DPP6: variants seen among roughly 807,000 people sequenced by gnomAD.
The protein encoded by DPP6 is dipeptidyl peptidase like 6, also known as A-type potassium channel modulatory protein DPP6.
Under a neutral mutation model 122.6 loss-of-function variants are expected in DPP6, and 69 were observed. The observed-to-expected ratio is 0.56, with a 90% CI of 0.46 to 0.69. The LOEUF (loss-of-function observed/expected upper bound fraction) is 0.69. DPP6 is among the 30% of genes least tolerant of loss of function. The pLI is 0.00. For missense variants in DPP6, 928 were observed against 1,116.9 expected, an observed-to-expected ratio of 0.83 and a Z score of 2.41; for synonymous variants, 418 against 433.1, an observed-to-expected ratio of 0.97 and a Z score of 0.43.
rs1795556073 is a variant in DPP6 at position 153,964,785 on chromosome 7, TCCTTTCCTTTC to T, written c.51+77053_51+77063del. Among the ~76,000 whole-genome samples, 24 of 71,900 alleles carry T rather than the reference TCCTTTCCTTTC, an allele frequency of 3.3e-4. 2 individuals are homozygous for T. Among genetic ancestry groups the T allele is most frequent in the African/African-American group, 1.1e-3 (20 of 18,586 alleles). 47.2% of individuals were successfully genotyped at this position (71,900 alleles called of 152,430 possible). On this transcript the variant is annotated intron_variant, in intron 1 of 25. Coordinates refer to the DPP6 transcript ENST00000404039. ...TCCACATTCTTCTCCGTGGCTCCTT[TCCTTTCCTTTC>T]CTTTCCTTTCCTTTCCTTTCCTTTC...
At chr7:154,474,377 G>A (rs935006892) in intron 2 of DPP6, among the ~76,000 whole-genome samples, 5 of 152,262 alleles carry the variant, frequency 3.3e-5, no homozygotes, top group South Asian at 4.2e-4. Flanking sequence ...ACAGAGATGC[G>A]GCAAGGCAGA....
At chr7:153,832,325 ATC>A in the DPP6 span, among the ~76,000 whole-genome samples, 1 of 152,236 alleles carries the variant, frequency 6.6e-6, no homozygotes, top group Non-Finnish European at 1.5e-5. Context: ...ATATGTCAAA[ATC>A]TCCAGCCACG....
At chr7:153,785,263 GT>G in the DPP6 span, among the ~76,000 whole-genome samples, 1 of 152,070 alleles carries the variant, frequency 6.6e-6, no homozygotes, top group African/African-American at 2.4e-5. Context: ...CCCTTTTGGT[GT>G]CCATTCTAGT....
intron 8 of DPP6, among the ~76,000 whole-genome samples, chr7:154,754,138 A>T (rs11761499): frequency 0.095 from 14,432 of 152,258 alleles, 940 homozygotes; most frequent in Non-Finnish European, 0.14. Context: ...TTTGTGCAGA[A>T]TATCTCAGTC....
intron 1 of DPP6, among the ~76,000 whole-genome samples, chr7:154,242,173 A>G (rs946705256): frequency 6.6e-6 from 1 of 152,172 alleles, no homozygotes; most frequent in Non-Finnish European, 1.5e-5. Flanking sequence ...TTGAAATGTT[A>G]TCCAGTCTTG....
intron 1 of DPP6, among the ~76,000 whole-genome samples, chr7:153,946,710 G>A (rs1342044573): frequency 6.6e-6 from 1 of 152,094 alleles, no homozygotes; most frequent in Non-Finnish European, 1.5e-5. Flanking sequence ...ACATAGCTGA[G>A]CATTAAGTAC....
intron 2 of DPP6, among the ~76,000 whole-genome samples, chr7:154,456,716 T>C (rs1820862186): frequency 1.3e-5 from 2 of 152,116 alleles, no homozygotes; most frequent in South Asian, 4.1e-4. Flanking sequence ...TGTGATCACA[T>C]GTGTTCTTAT....
chr7:154,324,640 G>T (rs900810213), intron 1 of DPP6, among the ~76,000 whole-genome samples: 1 of 150,042 alleles, frequency 6.7e-6, no homozygotes, highest in African/African-American at 2.4e-5. Flanking sequence ...CTGGCCTGAC[G>T]GGGCACCTTG....
rs140962859 is a variant in DPP6 at position 154,737,543 on chromosome 7, G to A, written c.883+9656G>A. Among the ~76,000 whole-genome samples the A allele has an allele frequency of 3.5e-3, 539 of 152,272 alleles. 4 individuals are homozygous for A. The highest frequency in any genetic ancestry group is 0.013 in the African/African-American group (525 of 41,544). The stretch of plus-strand genomic sequence containing the variant: ...GCATTTGGTGGGAGGGTCTAGAGAT[G>A]TGGAATTTTTAGACACAGAGGGCCA... On this transcript the variant is annotated intron_variant, in intron 8 of 25. Transcript: ENST00000377770.
chr7:154,397,162 AAATCT>A (rs1396603359), intron 1 of DPP6, among the ~76,000 whole-genome samples: 3 of 150,316 alleles, frequency 2.0e-5, no homozygotes, highest in Admixed American at 6.6e-5. Context: ...TTTATAAGAT[AAATCT>A]AATAAGATTA....
intron 1 of DPP6, among the ~76,000 whole-genome samples, chr7:154,313,751 A>ACACACACC (rs147976247): frequency 0.018 from 792 of 45,212 alleles, 47 homozygotes; most frequent in Non-Finnish European, 0.033. Context: ...ACACACACAC[A>ACACACACC]CCCTTACATA....
rs146157676 is a variant in DPP6, at chr7:154,510,425, C to T, written c.458-30107C>T. On this transcript the variant is annotated intron_variant, in intron 3 of 25. Coordinates refer to ENST00000377770, the MANE Select transcript of DPP6 (RefSeq NM_130797.4). ...TTGTAAGAAGTGTAAAGGGACCAGGCACGGTGGCTCATGCCTGTAATCCCA... is the reference window on the plus strand; with the variant it reads ...TTGTAAGAAGTGTAAAGGGACCAGGTACGGTGGCTCATGCCTGTAATCCCA... 6.5e-3 allele frequency among the ~76,000 whole-genome samples: 989 copies of T among 152,266 alleles called. 6 individuals are homozygous for T. Among genetic ancestry groups the T allele is most frequent in the Middle Eastern group, 0.024 (7 of 294 alleles).
At chr7:154,887,375 T>G (rs748508314) in intron 22 of DPP6, among the ~76,000 whole-genome samples, 1 of 152,210 alleles carries the variant, frequency 6.6e-6, no homozygotes, top group Non-Finnish European at 1.5e-5. Flanking sequence ...GTTATCCTAC[T>G]TATTTAGGAA....
At chr7:154,236,016 C>T (rs1182704284) in intron 1 of DPP6, among the ~76,000 whole-genome samples, 1 of 152,062 alleles carries the variant, frequency 6.6e-6, no homozygotes, top group Non-Finnish European at 1.5e-5. Context: ...CTACTCCCGG[C>T]TAATTTTTGT....
At chr7:153,886,077 C>T (rs1346804277), upstream of DPP6, among the ~76,000 whole-genome samples, 4 of 151,638 alleles carry the variant, frequency 2.6e-5, no homozygotes, top group Admixed American at 2.6e-4. Context: ...CTCCAGCTCC[C>T]GCCATGCCCT....
At chr7:154,652,850 G>A (rs1483200136) in intron 6 of DPP6, among the ~76,000 whole-genome samples, 1 of 151,076 alleles carries the variant, frequency 6.6e-6, no homozygotes, top group East Asian at 1.9e-4. Context: ...CTGAGTCGGA[G>A]CTGATACCAG....
At chr7:153,834,785 T>C in the DPP6 span, among the ~76,000 whole-genome samples, 1 of 151,284 alleles carries the variant, frequency 6.6e-6, no homozygotes. Context: ...GAATGTGTCT[T>C]TTCATATAGA....
At chr7:154,848,795 T>C (rs1025570559) in intron 16 of DPP6, among the ~76,000 whole-genome samples, 2 of 151,328 alleles carry the variant, frequency 1.3e-5, no homozygotes, top group Non-Finnish European at 2.9e-5. Context: ...CAATTTCAGG[T>C]CTTACACTGA....
intron 10 of DPP6, among the ~76,000 whole-genome samples, chr7:154,783,262 G>A (rs1056371407): frequency 3.9e-5 from 6 of 152,106 alleles, no homozygotes; most frequent in Admixed American, 2.6e-4. Context: ...CTCCCTGGGC[G>A]AGGGTGACAA....
Sources: gnomAD v4.1 joint callset for allele counts (sites outside exome capture counted in the v4.1 genomes callset) on GRCh38, gnomAD v4.1.1 for gene constraint, MANE v1.5 for transcripts, NCBI Gene and HGNC (gene_info 2026-07-23, HGNC 2026-07-21) for gene names.